The following TBC1D22A variants were observed in gnomAD, a reference collection of about 807,000 sequenced individuals.
The protein encoded by TBC1D22A is putative GTPase activator.
TBC1D22A carries 38 observed loss-of-function variants against 60.2 expected under a neutral mutation model. The observed-to-expected ratio is 0.63, with a 90% CI of 0.49 to 0.83. The LOEUF is 0.83. Among genes scored for constraint, TBC1D22A ranks in the 40% least tolerant of loss-of-function variants. The pLI, the probability that TBC1D22A is intolerant of heterozygous loss-of-function variation, is 0.00. For missense variants in TBC1D22A, 628 were observed against 701.0 expected, an observed-to-expected ratio of 0.90 and a Z score of 1.18; for synonymous variants, 302 against 281.7, an observed-to-expected ratio of 1.07 and a Z score of -0.72.
chr22:46,899,139 T>C (rs998906593), intron 7 of TBC1D22A, among the ~76,000 whole-genome samples: 3 of 152,010 alleles, frequency 2.0e-5, no homozygotes, highest in African/African-American at 7.3e-5. Context: ...CAAGGGGCTT[T>C]AGGAAAGTAT....
intron 11 of TBC1D22A, among the ~76,000 whole-genome samples, chr22:47,071,057 C>CT (rs2063967848): frequency 6.6e-6 from 1 of 152,248 alleles, no homozygotes; most frequent in Non-Finnish European, 1.5e-5. Flanking sequence ...GATTATTGAA[C>CT]TTAAAGTGAT....
intron 1 of TBC1D22A, among the ~76,000 whole-genome samples, chr22:46,775,694 G>C (rs2083675360): frequency 6.6e-6 from 1 of 152,182 alleles, no homozygotes; most frequent in African/African-American, 2.4e-5. Flanking sequence ...CACTGTAACA[G>C]CTTGTGCATC....
At chr22:47,167,415 G>C (rs1722410388) in intron 12 of TBC1D22A, among the ~76,000 whole-genome samples, 1 of 152,202 alleles carries the variant, frequency 6.6e-6, no homozygotes, top group African/African-American at 2.4e-5. Context: ...GTGGGAAGGA[G>C]TGGCACCCAG....
chr22:46,951,683 C>T (rs1276610709), intron 8 of TBC1D22A, among the ~76,000 whole-genome samples: 2 of 152,224 alleles, frequency 1.3e-5, no homozygotes, highest in African/African-American at 4.8e-5. Flanking sequence ...GGACGAGTGT[C>T]TCAGTGATGA....
intron 8 of TBC1D22A, among the ~76,000 whole-genome samples, chr22:46,947,716 T>C (rs1415519445): frequency 6.9e-6 from 1 of 144,142 alleles, no homozygotes; most frequent in Non-Finnish European, 1.5e-5. Context: ...CCCTCCCTCT[T>C]CCTCCCTCAC....
rs369020041 is a variant in TBC1D22A at position 47,015,587 on chromosome 22, C to G, written c.1201+17878C>G. 5.3e-5 allele frequency among the ~76,000 whole-genome samples: 8 copies of G among 152,318 alleles called. No homozygotes were observed. The South Asian group carries it at 1.0e-3, about 20-fold the overall frequency. ...CCAGAAGGAATTGTTTCTTGTCTTG[C>G]GACCACACACATATAATTGTTCTGG... On this transcript the variant is annotated intron_variant, in intron 10 of 12. Transcript: ENST00000337137.
chr22:47,029,142 G>A (rs1177165849), intron 10 of TBC1D22A, among the ~76,000 whole-genome samples: 2 of 137,018 alleles, frequency 1.5e-5, no homozygotes, highest in Non-Finnish European at 3.1e-5. Context: ...ATCATGGGAC[G>A]AAATCTGCAA....
intron 1 of TBC1D22A, chr22:46,788,886 A>G (rs6520053): frequency 0.5 from 76,479 of 151,838 alleles, 19,660 homozygotes; most frequent in Middle Eastern, 0.66. Flanking sequence ...TGGGTTTCCA[A>G]TCTTCCTCTG....
chr22:46,933,020 G>C (rs2071445416), intron 8 of TBC1D22A, among the ~76,000 whole-genome samples: 1 of 152,184 alleles, frequency 6.6e-6, no homozygotes, highest in African/African-American at 2.4e-5. Context: ...ACTGTGCCCG[G>C]CCTCCTCCTT....
intron 10 of TBC1D22A, among the ~76,000 whole-genome samples, chr22:47,017,788 A>G (rs6008023): frequency 0.42 from 63,215 of 152,106 alleles, 14,867 homozygotes; most frequent in African/African-American, 0.65. Flanking sequence ...CTTTGTATGT[A>G]ATGGTGATGA....
At position 47,139,024 on chromosome 22, in the gene TBC1D22A, C is replaced by T. The variant is rs1178397549; in HGVS notation, c.1425+27421C>T. On this transcript the variant is annotated intron_variant, in intron 12 of 12. Coordinates refer to ENST00000337137, the MANE Select transcript of TBC1D22A (RefSeq NM_014346.5). Reference sequence around the variant, plus strand: ...CCGTAGCACGTTATTTGGCCGAAACCCAGAATACCAGGAGGCCAGCCCTCG... The same window carrying T: ...CCGTAGCACGTTATTTGGCCGAAACTCAGAATACCAGGAGGCCAGCCCTCG... 3.3e-5 allele frequency among the ~76,000 whole-genome samples: 5 copies of T among 152,228 alleles called. No individual in the cohort carries two copies. In the South Asian group the frequency reaches 6.2e-4, roughly 19 times the overall value.
Position 46,797,631 on chromosome 22 carries a change from T to C in TBC1D22A, c.637+11T>C. 6.3e-7 allele frequency: 1 copy of C among 1,592,920 alleles called. No individual in the cohort carries two copies. The highest frequency in any genetic ancestry group is 8.6e-7 in the Non-Finnish European group (1 of 1,168,528). On this transcript the variant is annotated intron_variant, in intron 4 of 12. Transcript: ENST00000337137. ...CCAACACGGACCTTGGTAAGCACCC[T>C]GCCCTCTGGAGGACACACACAGACA...
At chr22:46,829,587 G>C (rs2086220235) in intron 4 of TBC1D22A, among the ~76,000 whole-genome samples, 1 of 152,192 alleles carries the variant, frequency 6.6e-6, no homozygotes, top group Non-Finnish European at 1.5e-5. Flanking sequence ...GAAAAACCAA[G>C]TTAAGAGAAT....
chr22:47,036,088 G>A (rs766999530), intron 10 of TBC1D22A, among the ~76,000 whole-genome samples: 3 of 152,304 alleles, frequency 2.0e-5, no homozygotes, highest in Admixed American at 6.5e-5. Context: ...TTAGGTAAGC[G>A]TGGAGAGAAG....
intron 4 of TBC1D22A, among the ~76,000 whole-genome samples, chr22:46,867,478 TG>T (rs1234707920): frequency 6.6e-6 from 1 of 152,162 alleles, no homozygotes; most frequent in East Asian, 1.9e-4. Flanking sequence ...ATCAGAAAAC[TG>T]GGAGAAGTGG....
At chr22:47,158,503 C>G (rs558454791) in intron 12 of TBC1D22A, among the ~76,000 whole-genome samples, 2 of 152,124 alleles carry the variant, frequency 1.3e-5, no homozygotes, top group African/African-American at 2.4e-5. Context: ...CTGGGATACC[C>G]AGCCCCGACA....
At chr22:46,932,298 C>T (rs1057181650) in intron 8 of TBC1D22A, among the ~76,000 whole-genome samples, 4 of 152,236 alleles carry the variant, frequency 2.6e-5, no homozygotes, top group East Asian at 1.9e-4. Context: ...TGACCGTTCT[C>T]CCGGCCCCAG....
chr22:47,068,356 G>A (rs1325037010), intron 11 of TBC1D22A, among the ~76,000 whole-genome samples: 1 of 152,240 alleles, frequency 6.6e-6, no homozygotes, highest in Non-Finnish European at 1.5e-5. Context: ...AGGCCATCAG[G>A]AGAGCCGGTG....
intron 3 of TBC1D22A, among the ~76,000 whole-genome samples, chr22:46,794,593 A>G (rs1383540726): frequency 6.7e-6 from 1 of 149,878 alleles, no homozygotes; most frequent in Admixed American, 6.7e-5. Flanking sequence ...ACTGAGGTAC[A>G]TCTGTGCCCT....
Sources: gnomAD v4.1 joint callset for allele counts (sites outside exome capture counted in the v4.1 genomes callset) on GRCh38, gnomAD v4.1.1 for gene constraint, MANE v1.5 for transcripts, NCBI Gene and HGNC (gene_info 2026-07-23, HGNC 2026-07-21) for gene names.